The following MAP3K13 variants were observed in gnomAD, a reference collection of about 807,000 sequenced individuals.
MAP3K13 encodes the protein leucine zipper-bearing kinase.
In MAP3K13, 52 loss-of-function variants were observed where a neutral mutation model predicts 104.0. That is an observed-to-expected ratio of 0.50 (90% CI 0.40 to 0.63). The LOEUF is 0.63. Ranked by LOEUF, MAP3K13 falls within the 20% of genes least tolerant of loss-of-function variation. The pLI is 0.00. For synonymous variants in MAP3K13, 394 were observed against 442.2 expected (o/e 0.89, Z 1.37); for missense variants, 914 against 1,218.5 (o/e 0.75, Z 3.72).
chr3:185,414,651 A>G (rs190381211), intron 1 of MAP3K13, among the ~76,000 whole-genome samples: 55 of 152,244 alleles, frequency 3.6e-4, no homozygotes, highest in Non-Finnish European at 5.9e-5. Flanking sequence ...CTTTGTGAGA[A>G]CTTTCATATA....
chr3:185,482,548 TG>T lies in MAP3K13; in HGVS notation c.*93del, dbSNP rs1229409131. The T allele has an allele frequency of 3.1e-6, 3 of 963,662 alleles. No individual in the cohort carries two copies. The highest frequency in any genetic ancestry group is 4.9e-5 in the East Asian group (2 of 40,638). 59.7% of individuals were successfully genotyped at this position (963,662 alleles called of 1,614,324 possible). A position where few individuals can be genotyped will look rare whatever the true frequency, so the allele number is the denominator to read the frequency against. Reference sequence around the variant, plus strand: ...CTCATCCCACTCTCTCCCAGCATTTTGTCTGGGAAGAGAGACTACCCCATCT... The same window carrying T: ...CTCATCCCACTCTCTCCCAGCATTTTTCTGGGAAGAGAGACTACCCCATCT... On this transcript the variant is annotated 3_prime_UTR_variant, in exon 14 of 14. Coordinates refer to ENST00000265026, the MANE Select transcript of MAP3K13 (RefSeq NM_004721.5). This position sits in a 1 kb window ranked among gnomAD's most constrained non-coding sequence, Gnocchi z 4.5.
rs150742937 is a variant in MAP3K13, at chr3:185,474,876, C to T, written c.2430+1115C>T. Among the ~76,000 whole-genome samples, 418 of 152,146 alleles carry T rather than the reference C, an allele frequency of 2.7e-3. 2 individuals carry two copies. Among genetic ancestry groups the T allele is most frequent in the African/African-American group, 9.8e-3 (405 of 41,536 alleles). ...CTTTGGAAGGCCGAGGCAGGTGGAT[C>T]ATGAGGTCAGGAGTTCAAGACCAGC... On this transcript the variant is annotated intron_variant, in intron 11 of 13. Transcript: ENST00000265026.
At chr3:185,454,440 AGATATATATATGAGATATATAT>A (rs1166396657) in intron 7 of MAP3K13, among the ~76,000 whole-genome samples, 3 of 112,346 alleles carry the variant, frequency 2.7e-5, no homozygotes, top group Admixed American at 1.0e-4. Context: ...GATATATATG[AGATATATATATGAGATATATAT>A]GATATATATA....
intron 1 of MAP3K13, among the ~76,000 whole-genome samples, chr3:185,383,188 G>C (rs1431003377): frequency 3.3e-5 from 5 of 150,792 alleles, no homozygotes; most frequent in Non-Finnish European, 7.4e-5. Context: ...CAAAGGACAT[G>C]AACTCATCAT....
At chr3:185,361,402 T>G (rs192649076), upstream of MAP3K13, among the ~76,000 whole-genome samples, 15 of 150,940 alleles carry the variant, frequency 9.9e-5, no homozygotes, top group African/African-American at 2.9e-4. Context: ...TTTGTTTTTT[T>G]TTTTTCTTTT....
At chr3:185,440,716 A>G (rs909969158) in intron 3 of MAP3K13, among the ~76,000 whole-genome samples, 1 of 152,202 alleles carries the variant, frequency 6.6e-6, no homozygotes, top group Non-Finnish European at 1.5e-5. Context: ...TCACCTTCAT[A>G]TGATCAGTGC....
chr3:185,473,573 G>A lies in MAP3K13; in HGVS notation c.2242G>A (p.Ala748Thr). 1 of 1,614,150 alleles carries A rather than the reference G, an allele frequency of 6.2e-7. No individual in the cohort carries two copies. Among genetic ancestry groups the A allele is most frequent in the Non-Finnish European group, 8.5e-7 (1 of 1,180,034 alleles). Reference protein sequence around the residue: ...EQYGSLDIPSAEPVGRSPDLS... With the variant: ...EQYGSLDIPSTEPVGRSPDLS... Reference sequence around the variant, plus strand: ...GTATGGGTCCTTAGACATACCCTCTGCTGAGCCAGTGGGGAGGAGCCCTGA... The same window carrying A: ...GTATGGGTCCTTAGACATACCCTCTACTGAGCCAGTGGGGAGGAGCCCTGA... The change falls in exon 11 of 14, where the codon GCT becomes ACT. Residue 748 changes from alanine to threonine, a missense_variant. Ala to Thr is a moderately conservative substitution (Grantham distance 58, BLOSUM62 0). This residue lies in a region of MAP3K13 where 583 missense variants were observed against 737.4 expected (regional missense o/e 0.79). Coordinates refer to ENST00000265026, the MANE Select transcript of MAP3K13 (RefSeq NM_004721.5). The surrounding 1 kb of genome is among the most constrained non-coding windows in gnomAD (Gnocchi z 4.9).
chr3:185,386,422 C>T (rs978950909), intron 1 of MAP3K13, among the ~76,000 whole-genome samples: 3 of 151,994 alleles, frequency 2.0e-5, no homozygotes, highest in Admixed American at 2.0e-4. Flanking sequence ...CTGATGCTGG[C>T]AAGGTAGTGG....
intron 2 of MAP3K13, among the ~76,000 whole-genome samples, chr3:185,299,952 ACTT>A (rs1306051797): frequency 7.2e-5 from 11 of 152,144 alleles, no homozygotes; most frequent in Non-Finnish European, 1.6e-4. Flanking sequence ...GATCTCTAGA[ACTT>A]CTTCATCTTG....
chr3:185,453,878 ATGAGATATATATG>A (rs1260351734), intron 7 of MAP3K13, among the ~76,000 whole-genome samples: 4 of 89,470 alleles, frequency 4.5e-5, no homozygotes, highest in African/African-American at 1.5e-4. Flanking sequence ...ATACATATAT[ATGAGATATATATG>A]TGATACATAT....
chr3:185,310,235 C>T (rs929392175), intron 2 of MAP3K13, among the ~76,000 whole-genome samples: 1 of 152,188 alleles, frequency 6.6e-6, no homozygotes, highest in African/African-American at 2.4e-5. Flanking sequence ...TAGATTCTCT[C>T]TCTTTGGAAT....
At chr3:185,337,911 A>C (rs1722571271) in intron 2 of MAP3K13, among the ~76,000 whole-genome samples, 1 of 152,168 alleles carries the variant, frequency 6.6e-6, no homozygotes, top group Non-Finnish European at 1.5e-5. Context: ...AGGTTAACAC[A>C]AACTAGGAAA....
In MAP3K13 at chr3:185,425,458, C is replaced by G. The variant is rs150073397; in HGVS notation, c.-85-3039C>G. Among the ~76,000 whole-genome samples the G allele has an allele frequency of 5.9e-5, 9 of 152,306 alleles. No homozygotes were observed. The East Asian group carries it at 1.7e-3, about 29-fold the overall frequency. ...TACTAATTCTACCTCTTAAATCTTTCCTGTTCTCTTCACTGCCATTGCTAA... is the reference window on the plus strand; with the variant it reads ...TACTAATTCTACCTCTTAAATCTTTGCTGTTCTCTTCACTGCCATTGCTAA... On this transcript the variant is annotated intron_variant, in intron 1 of 13. Coordinates refer to ENST00000265026, the MANE Select transcript of MAP3K13 (RefSeq NM_004721.5).
intron 1 of MAP3K13, among the ~76,000 whole-genome samples, chr3:185,406,726 T>C (rs781066073): frequency 3.3e-5 from 5 of 152,242 alleles, no homozygotes; most frequent in Non-Finnish European, 7.3e-5. Flanking sequence ...ACAGACTATA[T>C]GTAAGGATTT....
At chr3:185,430,461 C>A (rs1714679705) in intron 2 of MAP3K13, among the ~76,000 whole-genome samples, 1 of 152,074 alleles carries the variant, frequency 6.6e-6, no homozygotes, top group South Asian at 2.1e-4. Flanking sequence ...CACCCTCCAC[C>A]CTCACGTAGG....
At chr3:185,350,601 T>C (rs1723105106) in intron 2 of MAP3K13, among the ~76,000 whole-genome samples, 2 of 152,216 alleles carry the variant, frequency 1.3e-5, no homozygotes, top group Non-Finnish European at 1.5e-5. Flanking sequence ...CTATATGGTA[T>C]GCTAGTATTT....
chr3:185,287,843 C>T (rs1356131898), intron 2 of MAP3K13, among the ~76,000 whole-genome samples: 2 of 152,098 alleles, frequency 1.3e-5, no homozygotes, highest in African/African-American at 4.8e-5. Flanking sequence ...CGAGACCAGC[C>T]TGACAACCAT....
intron 2 of MAP3K13, among the ~76,000 whole-genome samples, chr3:185,328,417 T>C (rs1280811408): frequency 6.6e-6 from 1 of 152,082 alleles, no homozygotes; most frequent in Non-Finnish European, 1.5e-5. Context: ...ACCCAGCTAA[T>C]TTTTGTATTT....
chr3:185,475,591 C>G (rs1718075504), intron 11 of MAP3K13, among the ~76,000 whole-genome samples: 1 of 151,864 alleles, frequency 6.6e-6, no homozygotes, highest in Admixed American at 6.6e-5. Flanking sequence ...GTGGCTCACA[C>G]CTGTAATCCC....
Sources: allele counts gnomAD v4.1 joint callset (sites outside exome capture counted in the v4.1 genomes callset), GRCh38; gene constraint gnomAD v4.1.1; regional missense constraint gnomAD v4.1.1; non-coding constraint Gnocchi (gnomAD v3.1); transcripts MANE v1.5; gene names NCBI Gene and HGNC (gene_info 2026-07-23, HGNC 2026-07-21).